SLC17A4: variants seen among roughly 807,000 people sequenced by gnomAD.
The protein encoded by SLC17A4 is solute carrier family 17 member 4, also known as probable small intestine urate exporter.
A neutral mutation model predicts 52.5 loss-of-function variants in SLC17A4; 33 were observed. The observed-to-expected ratio is 0.63, with a 90% CI of 0.48 to 0.84. The LOEUF (loss-of-function observed/expected upper bound fraction) is 0.84. Among genes scored for constraint, SLC17A4 ranks in the 40% least tolerant of loss-of-function variants. The pLI, the probability that SLC17A4 is intolerant of heterozygous loss-of-function variation, is 0.00. For synonymous variants in SLC17A4, 225 were observed against 216.2 expected, an observed-to-expected ratio of 1.04 and a Z score of -0.36; for missense variants, 585 against 597.1, an observed-to-expected ratio of 0.98 and a Z score of 0.21.
Position 25,779,070 on chromosome 6 carries a change from G to T in SLC17A4, c.1376G>T (p.Trp459Leu). 1.9e-6 allele frequency: 3 copies of T among 1,613,754 alleles called. No individual in the cohort carries two copies. The highest frequency in any genetic ancestry group is 2.5e-6 in the Non-Finnish European group (3 of 1,179,720). ...TGCCTCCAGGATTCAGAGTTTGGTT[G>T]GAGAAATGTCTTCTTGCTTTCAGCT... ...FFISQDSEFG[W>L]RNVFLLSAAV... The change falls in exon 12 of 12, where the codon TGG becomes TTG. Residue 459 changes from tryptophan (W) to leucine (L), a missense_variant. Transcript: ENST00000377905.
Position 25,779,266 on chromosome 6 carries a change from G to T in SLC17A4, c.*78G>T. 3.8e-6 allele frequency: 6 copies of T among 1,575,052 alleles called. No homozygotes were observed. The highest frequency in any genetic ancestry group is 5.2e-6 in the Non-Finnish European group (6 of 1,156,206). On this transcript the variant is annotated 3_prime_UTR_variant, in exon 12 of 12. Transcript: ENST00000377905. The stretch of plus-strand genomic sequence containing the variant: ...TCACAGACATTTCTCTTTCATGCCT[G>T]CTTGACTGATAAGCCATTAGCTAGA...
intron 1 of SLC17A4, among the ~76,000 whole-genome samples, chr6:25,760,035 T>C (rs930312933): frequency 2.0e-5 from 3 of 152,202 alleles, no homozygotes; most frequent in Non-Finnish European, 2.9e-5. Flanking sequence ...GAAGCAGCAA[T>C]ACAAGTGGGA....
At chr6:25,778,792 G>T (rs1436028022) in intron 11 of SLC17A4, among the ~76,000 whole-genome samples, 1 of 152,198 alleles carries the variant, frequency 6.6e-6, no homozygotes, top group Non-Finnish European at 1.5e-5. Context: ...TGCTTAAAAA[G>T]AACACTTAAG....
intron 1 of SLC17A4, among the ~76,000 whole-genome samples, chr6:25,756,536 G>A (rs1761030834): frequency 6.6e-6 from 1 of 151,816 alleles, no homozygotes; most frequent in Non-Finnish European, 1.5e-5. Context: ...TAACTTTCTC[G>A]CAGGTGTACT....
chr6:25,758,888 A>T (rs574503174), intron 1 of SLC17A4, among the ~76,000 whole-genome samples: 3 of 152,104 alleles, frequency 2.0e-5, no homozygotes, highest in South Asian at 4.2e-4. Context: ...GTGTAAACTT[A>T]GATTGTCTAT....
At chr6:25,762,738 C>G (rs192590824) in intron 2 of SLC17A4, among the ~76,000 whole-genome samples, 18 of 152,298 alleles carry the variant, frequency 1.2e-4, no homozygotes, top group African/African-American at 3.9e-4. Context: ...CTCCTAATCT[C>G]AACCATCACA....
chr6:25,771,050 AG>A, intron 6 of SLC17A4, 38 bp downstream of exon 6: 5 of 1,520,130 alleles, frequency 3.3e-6, no homozygotes, highest in Non-Finnish European at 4.6e-6. Context: ...TTTATGACAG[AG>A]ACTTCTGTGA....
In SLC17A4 at chr6:25,777,942, A is replaced by G. The variant is rs756235575; in HGVS notation, c.1285A>G (p.Lys429Glu). 6.2e-7 allele frequency: 1 copy of G among 1,612,362 alleles called. No individual in the cohort carries two copies. Among genetic ancestry groups the G allele is most frequent in the South Asian group, 1.1e-5 (1 of 91,030 alleles). The change falls in exon 11 of 12, where the codon AAA becomes GAA. Residue 429 changes from lysine to glutamate, a missense_variant. Coordinates refer to ENST00000377905, the MANE Select transcript of SLC17A4 (RefSeq NM_005495.3). ...DIAPRYTGFL[K>E]GLLQVFAHIA... ...CTCTCTCAGGTACACTGGCTTTCTC[A>G]AAGGACTATTGCAAGTCTTTGCACA... is the stretch of plus-strand genomic sequence containing the variant.
At chr6:25,768,925 C>G (rs1258232469) in intron 2 of SLC17A4, 60 bp from the exon 3 acceptor site, 2 of 1,464,070 alleles carry the variant, frequency 1.4e-6, no homozygotes, top group Non-Finnish European at 1.9e-6. Flanking sequence ...TTCTTCCAGA[C>G]TTAGGGAGAG....
rs1762499326 is a variant in SLC17A4, at chr6:25,771,743, C to T, written c.706+731C>T. ...GAAAATTGTGTGACTGTGACCTAAT[C>T]ATAGGTAAAATACTAATTAGAGTAG... On this transcript the variant is annotated intron_variant, in intron 6 of 11. Coordinates refer to ENST00000377905, the MANE Select transcript of SLC17A4 (RefSeq NM_005495.3). Among the ~76,000 whole-genome samples, 4 of 152,080 alleles carry T rather than the reference C, an allele frequency of 2.6e-5. No homozygotes were observed. In the South Asian group the frequency reaches 8.3e-4, roughly 32 times the overall value.
At chr6:25,770,632 C>T (rs1762404497) in intron 5 of SLC17A4, among the ~76,000 whole-genome samples, 161 bp downstream of exon 5, 1 of 152,212 alleles carries the variant, frequency 6.6e-6, no homozygotes, top group African/African-American at 2.4e-5. Flanking sequence ...ACTGAATAAA[C>T]TGAATGCTTA....
chr6:25,758,107 G>C (rs929686649), intron 1 of SLC17A4, among the ~76,000 whole-genome samples: 8 of 152,168 alleles, frequency 5.3e-5, no homozygotes, highest in African/African-American at 1.9e-4. Flanking sequence ...CTCAGACCAA[G>C]AGTCACCACC....
chr6:25,779,202 T>C lies in SLC17A4; in HGVS notation c.*14T>C, dbSNP rs1372473837. The C allele has an allele frequency of 1.9e-6, 3 of 1,613,082 alleles. No homozygotes were observed. The highest frequency in any genetic ancestry group is 2.5e-6 in the Non-Finnish European group (3 of 1,179,464). ...ACCCACCTCTGAGCAAACCGAGAGA[T>C]GTGCTAGATCCTGGTGCTTAGTTCA... is the stretch of plus-strand genomic sequence containing the variant. On this transcript the variant is annotated 3_prime_UTR_variant, in exon 12 of 12. Transcript: ENST00000377905.
At chr6:25,766,861 G>C (rs1045868804) in intron 2 of SLC17A4, among the ~76,000 whole-genome samples, 4 of 152,156 alleles carry the variant, frequency 2.6e-5, no homozygotes, top group Admixed American at 2.6e-4. Flanking sequence ...CCAAAGAAGA[G>C]CCCAAGGAGA....
At chr6:25,764,457 C>G (rs891257001) in intron 2 of SLC17A4, among the ~76,000 whole-genome samples, 2 of 152,206 alleles carry the variant, frequency 1.3e-5, no homozygotes, top group African/African-American at 4.8e-5. Flanking sequence ...AAGCACAACA[C>G]TTTGAGAAAG....
At chr6:25,763,872 G>A (rs752063785) in intron 2 of SLC17A4, among the ~76,000 whole-genome samples, 13 of 152,140 alleles carry the variant, frequency 8.5e-5, no homozygotes, top group Non-Finnish European at 7.4e-5. Flanking sequence ...GCTTCTTTCT[G>A]TATCAGTCAG....
chr6:25,770,390 G>A lies in SLC17A4; in HGVS notation c.538G>A (p.Val180Ile). ...ATGGAATTTTTCCCCCCAGGTTATG[G>A]TATTAACTGGTCAGTATTCAATTTG... ...RIVQGIAQVM[V>I]LTGQYSIWVK... Residue 180 changes from valine to isoleucine, a missense_variant, in exon 5 of 12, where the codon GTA becomes ATA. Val to Ile is a conservative substitution (Grantham distance 29). Transcript: ENST00000377905. 4.3e-6 allele frequency: 7 copies of A among 1,614,020 alleles called. No homozygotes were observed. The highest frequency in any genetic ancestry group is 5.9e-6 in the Non-Finnish European group (7 of 1,179,950).
chr6:25,767,547 T>C (rs1297420117), intron 2 of SLC17A4, among the ~76,000 whole-genome samples: 6 of 152,172 alleles, frequency 3.9e-5, no homozygotes, highest in Admixed American at 3.3e-4. Context: ...TGCAGGTGTC[T>C]GATTCTAGGA....
At chr6:25,778,412 T>G (rs1763118762) in intron 11 of SLC17A4, among the ~76,000 whole-genome samples, 2 of 152,068 alleles carry the variant, frequency 1.3e-5, no homozygotes, top group South Asian at 4.1e-4. Context: ...ATCAAGTCCC[T>G]TCTCTTTTCT....
Sources: gnomAD v4.1 joint callset for allele counts (sites outside exome capture counted in the v4.1 genomes callset) on GRCh38, gnomAD v4.1.1 for gene constraint, MANE v1.5 for transcripts, NCBI Gene and HGNC (gene_info 2026-07-23, HGNC 2026-07-21) for gene names.